VWA3B: variants seen among roughly 807,000 people sequenced by gnomAD.
The protein encoded by VWA3B is von Willebrand factor A domain-containing protein 3B.
A neutral mutation model predicts 158.3 loss-of-function variants in VWA3B; 138 were observed. The ratio of observed to expected loss-of-function variants is 0.87; its 90% CI spans 0.76 to 1.00. The LOEUF is 1.00. Among genes scored for constraint, VWA3B ranks in the 50% least tolerant of loss-of-function variants. The pLI is 0.00. For missense variants in VWA3B, 1,555 were observed against 1,565.1 expected (o/e 0.99, Z 0.11); for synonymous variants, 596 against 587.3 (o/e 1.01, Z -0.21).
intron 22 of VWA3B, among the ~76,000 whole-genome samples, chr2:98,274,202 C>A (rs760302260): frequency 6.6e-6 from 1 of 152,134 alleles, no homozygotes; most frequent in Non-Finnish European, 1.5e-5. Context: ...TGCATGGGCC[C>A]AGCCTAATGG....
chr2:98,172,639 C>A (rs1679694552), intron 8 of VWA3B, among the ~76,000 whole-genome samples: 1 of 152,156 alleles, frequency 6.6e-6, no homozygotes, highest in Non-Finnish European at 1.5e-5. Flanking sequence ...AAGGGACCAG[C>A]TCTTCCCTTC....
At chr2:98,287,045 G>A (rs1689207120) in intron 22 of VWA3B, among the ~76,000 whole-genome samples, 1 of 152,124 alleles carries the variant, frequency 6.6e-6, no homozygotes. Context: ...AGAGTTTTAG[G>A]CTCAAAACAT....
At chr2:98,114,560 T>C (rs1432877373) in intron 2 of VWA3B, among the ~76,000 whole-genome samples, 1 of 152,216 alleles carries the variant, frequency 6.6e-6, no homozygotes, top group African/African-American at 2.4e-5. Context: ...GCTGTTATCC[T>C]GCCTTCCTAG....
chr2:98,103,587 T>A (rs188827404), intron 2 of VWA3B, among the ~76,000 whole-genome samples: 1 of 152,312 alleles, frequency 6.6e-6, no homozygotes, highest in African/African-American at 2.4e-5. Flanking sequence ...CTTTTAAAAG[T>A]ACTTGTTTTT....
chr2:98,305,981 C>T (rs1408399537), intron 26 of VWA3B, among the ~76,000 whole-genome samples: 2 of 152,134 alleles, frequency 1.3e-5, no homozygotes, highest in African/African-American at 4.8e-5. Flanking sequence ...CCTCACTTGT[C>T]CCTAGCCACT....
chr2:98,096,416 G>T (rs1272881530), intron 2 of VWA3B, among the ~76,000 whole-genome samples: 1 of 152,078 alleles, frequency 6.6e-6, no homozygotes, highest in Non-Finnish European at 1.5e-5. Flanking sequence ...TTACAGGCAT[G>T]TGCCACCATG....
Position 98,164,839 on chromosome 2 carries a change from C to T in VWA3B, c.1114+1863C>T, listed in dbSNP as rs183006614. ...TTGAGACTACACAAAATATTTTCTC[C>T]CTTTTTTTCTTATAAACCAAAGCAT... On this transcript the variant is annotated intron_variant, in intron 8 of 27. Coordinates refer to ENST00000477737, the MANE Select transcript of VWA3B (RefSeq NM_144992.5). Among the ~76,000 whole-genome samples the T allele has an allele frequency of 9.8e-4, 149 of 152,282 alleles. 2 individuals carry two copies. Among genetic ancestry groups the T allele is most frequent in the African/African-American group, 3.3e-3 (138 of 41,538 alleles).
At chr2:98,141,735 TA>T (rs1157051743) in intron 7 of VWA3B, among the ~76,000 whole-genome samples, 1 of 152,176 alleles carries the variant, frequency 6.6e-6, no homozygotes, top group Non-Finnish European at 1.5e-5. Flanking sequence ...GACCAGGGCT[TA>T]AAAGTATTCT....
intron 22 of VWA3B, among the ~76,000 whole-genome samples, chr2:98,288,649 T>G (rs1689307544): frequency 6.6e-6 from 1 of 152,234 alleles, no homozygotes; most frequent in Non-Finnish European, 1.5e-5. Context: ...TATGATTTGC[T>G]ATATTTAAAC....
At chr2:98,172,511 A>G (rs1679682355) in intron 8 of VWA3B, among the ~76,000 whole-genome samples, 1 of 152,164 alleles carries the variant, frequency 6.6e-6, no homozygotes, top group African/African-American at 2.4e-5. Flanking sequence ...GAAATGCAAC[A>G]TTTGGGCAGG....
At position 98,093,083 on chromosome 2, in the gene VWA3B, T is replaced by C. The variant is rs778685591; in HGVS notation, c.-10T>C. On this transcript the variant is annotated 5_prime_UTR_variant, in exon 2 of 28. Transcript: ENST00000477737. Reference sequence around the variant, plus strand: ...CAGGAGTTTGCTGTGACTTAGATCTTGATTCAGAGATGGAGAAATCAGGCC... The same window carrying C: ...CAGGAGTTTGCTGTGACTTAGATCTCGATTCAGAGATGGAGAAATCAGGCC... 5.0e-6 allele frequency: 8 copies of C among 1,612,186 alleles called. No individual in the cohort carries two copies. In the Admixed American group the frequency reaches 1.2e-4, roughly 24 times the overall value.
At chr2:98,118,128 A>G (rs1459697367) in intron 3 of VWA3B, among the ~76,000 whole-genome samples, 2 of 152,182 alleles carry the variant, frequency 1.3e-5, no homozygotes, top group Admixed American at 1.3e-4. Flanking sequence ...TTTTTATCTG[A>G]ACCACATTAA....
intron 8 of VWA3B, among the ~76,000 whole-genome samples, chr2:98,165,978 G>GC (rs1031727992): frequency 1.3e-5 from 2 of 152,050 alleles, no homozygotes; most frequent in South Asian, 2.1e-4. Context: ...CCTGAATTGT[G>GC]CCCCCCCAGT....
chr2:98,267,017 T>C (rs1196257675), intron 21 of VWA3B, among the ~76,000 whole-genome samples: 19 of 151,710 alleles, frequency 1.3e-4, no homozygotes. Context: ...CTTCCTCTTT[T>C]CCTAATTGAA....
chr2:98,219,821 C>A (rs879612650), intron 14 of VWA3B, among the ~76,000 whole-genome samples: 2 of 152,062 alleles, frequency 1.3e-5, no homozygotes, highest in East Asian at 3.8e-4. Flanking sequence ...AGAGCCTATG[C>A]GGACTGAAAA....
At chr2:98,316,025 G>A (rs150231724), downstream of VWA3B, among the ~76,000 whole-genome samples, 269 of 152,282 alleles carry the variant, frequency 1.8e-3, no homozygotes, top group African/African-American at 5.7e-3. Flanking sequence ...ACTGAATACT[G>A]AATCATTTTT....
intron 8 of VWA3B, among the ~76,000 whole-genome samples, chr2:98,170,338 T>A (rs1349469723): frequency 1.3e-5 from 2 of 152,182 alleles, no homozygotes; most frequent in Non-Finnish European, 1.5e-5. Flanking sequence ...TCCAAAAGAT[T>A]ACCATCTGAG....
chr2:98,308,035 A>G (rs1411286943), intron 26 of VWA3B, among the ~76,000 whole-genome samples: 1 of 152,138 alleles, frequency 6.6e-6, no homozygotes, highest in East Asian at 1.9e-4. Context: ...AAACTAATTG[A>G]ACACAGCGAA....
Position 98,250,430 on chromosome 2 carries a change from A to G in VWA3B, c.2786A>G (p.Tyr929Cys), listed in dbSNP as rs1350591371. 3 of 1,607,834 alleles carry G rather than the reference A, an allele frequency of 1.9e-6. No homozygotes were observed. Among genetic ancestry groups the G allele is most frequent in the Non-Finnish European group, 1.7e-6 (2 of 1,176,740 alleles). ...AAAGTGGAACAGGCAATTCAATCCT[A>G]TGAAAAGTGAGTATTACTCTTGGCT... is the stretch of plus-strand genomic sequence containing the variant. ...KRKVEQAIQSYEKRLNKIVWR... is the reference protein window; with the variant it reads ...KRKVEQAIQSCEKRLNKIVWR... The change falls in exon 20 of 28, where the codon TAT becomes TGT. Residue 929 changes from tyrosine (Y) to cysteine (C), a missense_variant. Coordinates refer to ENST00000477737, the MANE Select transcript of VWA3B (RefSeq NM_144992.5).
Sources: gnomAD v4.1 joint callset for allele counts (sites outside exome capture counted in the v4.1 genomes callset) on GRCh38, gnomAD v4.1.1 for gene constraint, MANE v1.5 for transcripts, NCBI Gene and HGNC (gene_info 2026-07-23, HGNC 2026-07-21) for gene names.